TTBK2: variants seen among roughly 807,000 people sequenced by gnomAD.
TTBK2 encodes the protein tau-tubulin kinase 2.
A neutral mutation model predicts 110.8 loss-of-function variants in TTBK2; 28 were observed. The observed-to-expected ratio is 0.25, with a 90% CI of 0.19 to 0.35. The LOEUF (loss-of-function observed/expected upper bound fraction) is 0.35, where lower values mean the gene tolerates loss of function less well. TTBK2 is among the 10% of genes least tolerant of loss of function. TTBK2 has a pLI of 1.00. For missense variants in TTBK2, 1,369 were observed against 1,500.3 expected (o/e 0.91, Z 1.45); for synonymous variants, 532 against 527.3 (o/e 1.01, Z -0.12).
chr15:42,763,183 TATATATATA>T (rs1308582267), intron 13 of TTBK2, among the ~76,000 whole-genome samples: 2 of 25,126 alleles, frequency 8.0e-5, no homozygotes, highest in Non-Finnish European at 1.4e-4. Flanking sequence ...TATATATATA[TATATATATA>T]TTTTTTTTTT....
intron 3 of TTBK2, 146 bp downstream of exon 3, chr15:42,872,465 A>G (rs1894652677): frequency 2.2e-6 from 2 of 910,230 alleles, no homozygotes; most frequent in Non-Finnish European, 3.3e-6. Context: ...AAAATTTCCA[A>G]GAGAAAAATG....
chr15:42,760,553 G>A (rs970079153), intron 13 of TTBK2, among the ~76,000 whole-genome samples: 1 of 151,902 alleles, frequency 6.6e-6, no homozygotes, highest in African/African-American at 2.4e-5. Context: ...AAACCTACAG[G>A]ATCTACTAGA....
chr15:42,875,109 T>C (rs896117388), intron 2 of TTBK2, among the ~76,000 whole-genome samples: 2 of 152,088 alleles, frequency 1.3e-5, no homozygotes, highest in African/African-American at 2.4e-5. Context: ...CTGGTAGAGG[T>C]AGCTTCACGT....
In TTBK2 at chr15:42,775,694, G is replaced by T. The variant is rs1238647143; in HGVS notation, c.1439C>A (p.Ala480Glu). 5 of 1,613,056 alleles carry T rather than the reference G, an allele frequency of 3.1e-6. No homozygotes were observed. Among genetic ancestry groups the T allele is most frequent in the African/African-American group, 2.7e-5 (2 of 75,016 alleles). Residue 480 changes from alanine (A) to glutamate (E), a missense_variant, in exon 13 of 15, where the codon GCA becomes GAA. By Grantham distance (107) the Ala-to-Glu change is moderately radical. Transcript: ENST00000267890. The part of the protein sequence containing the change: ...CLEKMQKDTS[A>E]GKESILPALL... ...AGCAGGGAGAATAGATTCTTTTCCTGCACTGGTATCTTTCTGCATTTTCTC... is the reference window on the plus strand; with the variant it reads ...AGCAGGGAGAATAGATTCTTTTCCTTCACTGGTATCTTTCTGCATTTTCTC...
intron 1 of TTBK2, among the ~76,000 whole-genome samples, chr15:42,884,445 G>A (rs367924580): frequency 3.7e-4 from 57 of 152,100 alleles, no homozygotes; most frequent in Non-Finnish European, 7.2e-4. Context: ...TTTTATACTC[G>A]GTTCCTGAAA....
intron 13 of TTBK2, among the ~76,000 whole-genome samples, chr15:42,763,116 A>ACG (rs1350714481): frequency 9.5e-5 from 11 of 116,286 alleles, no homozygotes; most frequent in African/African-American, 3.6e-4. Flanking sequence ...ATATATATAT[A>ACG]TACACATATA....
At chr15:42,794,966 G>A in intron 9 of TTBK2, 165 bp from the exon 10 acceptor site, 1 of 774,942 alleles carries the variant, frequency 1.3e-6, no homozygotes, top group Non-Finnish European at 2.1e-6. Context: ...TGTAGATGAT[G>A]ATAGTGAATT....
intron 6 of TTBK2, among the ~76,000 whole-genome samples, chr15:42,819,773 GTC>G (rs1207446030): frequency 6.6e-6 from 1 of 152,180 alleles, no homozygotes; most frequent in Non-Finnish European, 1.5e-5. Context: ...ATATATGAAA[GTC>G]TACTATGAAT....
intron 2 of TTBK2, among the ~76,000 whole-genome samples, chr15:42,873,440 GA>G (rs1245925959): frequency 1.3e-5 from 2 of 151,178 alleles, no homozygotes; most frequent in African/African-American, 4.9e-5. Flanking sequence ...TCTCAAAAAC[GA>G]AAAAAACAAA....
intron 9 of TTBK2, chr15:42,798,332 TAAAAGGC>T (rs1201002678): frequency 2.2e-6 from 1 of 456,074 alleles, no homozygotes; most frequent in Non-Finnish European, 4.4e-6. Flanking sequence ...CGCTTCCCTC[TAAAAGGC>T]ATGTCCCATA....
chr15:42,811,180 A>G (rs1891705695), intron 8 of TTBK2, among the ~76,000 whole-genome samples: 1 of 151,970 alleles, frequency 6.6e-6, no homozygotes, highest in African/African-American at 2.4e-5. Flanking sequence ...TTTTGTAAAG[A>G]TTGGGGTCTC....
At chr15:42,895,814 G>C (rs1895646144) in intron 1 of TTBK2, among the ~76,000 whole-genome samples, 1 of 151,998 alleles carries the variant, frequency 6.6e-6, no homozygotes, top group Non-Finnish European at 1.5e-5. Context: ...TGGGATTACA[G>C]GTGTGAGCCA....
At chr15:42,800,741 C>G (rs2140891378) in intron 9 of TTBK2, among the ~76,000 whole-genome samples, 1 of 149,308 alleles carries the variant, frequency 6.7e-6, no homozygotes, top group African/African-American at 2.5e-5. Flanking sequence ...TTTGGCAGAG[C>G]TAGCCGAGGT....
intron 1 of TTBK2, among the ~76,000 whole-genome samples, chr15:42,909,413 T>C (rs1221918507): frequency 6.6e-6 from 1 of 152,146 alleles, no homozygotes; most frequent in African/African-American, 2.4e-5. Flanking sequence ...TCCTTATCTC[T>C]CTCTGACAAA....
In TTBK2 at chr15:42,840,379, T is replaced by G; in HGVS notation, c.272A>C (p.Tyr91Ser). The G allele has an allele frequency of 6.2e-7, 1 of 1,614,004 alleles. No homozygotes were observed. The highest frequency in any genetic ancestry group is 1.3e-5 in the African/African-American group (1 of 75,042). Residue 91 changes from tyrosine (Y) to serine (S), a missense_variant, in exon 4 of 15, where the codon TAT (tyrosine) becomes TCT (serine). Coordinates refer to ENST00000267890, the MANE Select transcript of TTBK2 (RefSeq NM_173500.4). ...ACCTACCTGCAACTGCATGACCACATAGTTGAATCGATCATTCCTCCCACA... is the reference window on the plus strand; with the variant it reads ...ACCTACCTGCAACTGCATGACCACAGAGTTGAATCGATCATTCCTCCCACA... The part of the protein sequence containing the change: ...IGCGRNDRFN[Y>S]VVMQLQGRNL...
At chr15:42,784,764 A>G (rs1890335892) in intron 10 of TTBK2, among the ~76,000 whole-genome samples, 1 of 152,178 alleles carries the variant, frequency 6.6e-6, no homozygotes, top group African/African-American at 2.4e-5. Flanking sequence ...TGGGGGTTTT[A>G]TTAGAGAGAT....
intron 7 of TTBK2, among the ~76,000 whole-genome samples, chr15:42,814,246 T>A (rs1397760209): frequency 6.6e-6 from 1 of 152,134 alleles, no homozygotes; most frequent in Non-Finnish European, 1.5e-5. Context: ...CAAGTGTTTT[T>A]AAAAGTCCTT....
intron 1 of TTBK2, among the ~76,000 whole-genome samples, chr15:42,915,271 G>A (rs918577578): frequency 3.3e-5 from 5 of 152,210 alleles, no homozygotes; most frequent in Non-Finnish European, 7.3e-5. Flanking sequence ...TGTCCAGCAT[G>A]TATCTGCACC....
At chr15:42,914,205 T>C (rs1285551073) in intron 1 of TTBK2, among the ~76,000 whole-genome samples, 3 of 152,078 alleles carry the variant, frequency 2.0e-5, no homozygotes, top group African/African-American at 4.8e-5. Context: ...CTCAAACTCA[T>C]GACCTCGTGA....
Sources: allele counts gnomAD v4.1 joint callset (sites outside exome capture counted in the v4.1 genomes callset), GRCh38; gene constraint gnomAD v4.1.1; transcripts MANE v1.5; gene names NCBI Gene and HGNC (gene_info 2026-07-23, HGNC 2026-07-21).